The following KPNA1 variants were observed in gnomAD, a reference collection of about 807,000 sequenced individuals.
KPNA1 encodes the protein karyopherin subunit alpha 1.
In KPNA1, 10 loss-of-function variants were observed where a neutral mutation model predicts 70.5. The ratio of observed to expected loss-of-function variants is 0.14; its 90% CI spans 0.09 to 0.24. The LOEUF (loss-of-function observed/expected upper bound fraction) is 0.24. Ranked by LOEUF, KPNA1 falls within the 10% of genes least tolerant of loss-of-function variation. The pLI is 1.00. For missense variants in KPNA1, 397 were observed against 637.9 expected, an observed-to-expected ratio of 0.62 and a Z score of 4.07; for synonymous variants, 192 against 221.9, an observed-to-expected ratio of 0.87 and a Z score of 1.20.
chr3:122,439,859 A>C lies in KPNA1; in HGVS notation c.996+2179T>G, dbSNP rs556762754. On this transcript the variant is annotated intron_variant, in intron 10 of 13. Transcript: ENST00000344337. ...ACAAACTATAAGGGAGGGAGACACCACATGTAACTGCAAAGTTTCATGTGT... is the reference window on the plus strand; with the variant it reads ...ACAAACTATAAGGGAGGGAGACACCCCATGTAACTGCAAAGTTTCATGTGT... 2.0e-5 allele frequency among the ~76,000 whole-genome samples: 3 copies of C among 152,318 alleles called. No individual in the cohort carries two copies. In the East Asian group the frequency reaches 5.8e-4, roughly 29 times the overall value.
intron 1 of KPNA1, among the ~76,000 whole-genome samples, chr3:122,504,780 C>T (rs1331140685): frequency 1.3e-5 from 2 of 152,094 alleles, no homozygotes; most frequent in African/African-American, 4.8e-5. Flanking sequence ...TCAATGGATG[C>T]ATTTAGACTT....
chr3:122,502,498 A>G (rs1217047692), intron 1 of KPNA1, among the ~76,000 whole-genome samples: 1 of 152,160 alleles, frequency 6.6e-6, no homozygotes, highest in African/African-American at 2.4e-5. Flanking sequence ...CCAGAAATCA[A>G]CTCTGCTGGC....
intron 8 of KPNA1, among the ~76,000 whole-genome samples, chr3:122,450,455 G>T (rs1408623231): frequency 1.3e-5 from 2 of 152,034 alleles, no homozygotes; most frequent in Non-Finnish European, 2.9e-5. Context: ...GGTGGTATGC[G>T]CCTGTAATCC....
At chr3:122,438,548 G>A (rs907735201) in intron 10 of KPNA1, among the ~76,000 whole-genome samples, 8 of 151,860 alleles carry the variant, frequency 5.3e-5, no homozygotes, top group Admixed American at 1.3e-4. Context: ...CACCACGCCC[G>A]GCTAATTTTG....
rs764391272 is a variant in KPNA1 at position 122,427,581 on chromosome 3, G to A, written c.1386C>T (p.Gly462=). The A allele has an allele frequency of 7.4e-6, 12 of 1,614,038 alleles. No individual in the cohort carries two copies. The South Asian group carries it at 1.2e-4, about 16-fold the overall frequency. The change falls in exon 13 of 14, where the codon GGC becomes GGT. Residue 462 remains glycine, a synonymous_variant. Transcript: ENST00000344337. ...RLGEQEAKRN[G]TGINPYCALI... is the part of the protein sequence containing the mutation. ...AAGCACAGTAAGGGTTAATGCCAGTGCCATTCCTTTTGGCTTCCTGTTCTC... is the reference window on the plus strand; with the variant it reads ...AAGCACAGTAAGGGTTAATGCCAGTACCATTCCTTTTGGCTTCCTGTTCTC...
At chr3:122,486,988 T>G (rs2076637079) in intron 2 of KPNA1, among the ~76,000 whole-genome samples, 1 of 152,168 alleles carries the variant, frequency 6.6e-6, no homozygotes, top group Non-Finnish European at 1.5e-5. Context: ...CTGTCCTGTG[T>G]GAACTGTAGC....
At chr3:122,490,211 C>T (rs1284979325) in intron 2 of KPNA1, among the ~76,000 whole-genome samples, 3 of 152,238 alleles carry the variant, frequency 2.0e-5, no homozygotes, top group African/African-American at 4.8e-5. Context: ...TTCCATCCTA[C>T]GAAACTCTAT....
In KPNA1 at chr3:122,461,257, C is replaced by T. The variant is rs773779130; in HGVS notation, c.399G>A (p.Glu133=). 2.4e-5 allele frequency: 38 copies of T among 1,612,764 alleles called. No individual in the cohort carries two copies. The highest frequency in any genetic ancestry group is 6.7e-5 in the Admixed American group (4 of 59,946). Residue 133 remains glutamate (E), a synonymous_variant, in exon 5 of 14, where the codon GAG becomes GAA. Transcript: ENST00000344337. ...TACAATTCTCTTTTCGTTTGAGGAA[C>T]TCCACAAACCTGGCCACTACTCCTG... is the stretch of plus-strand genomic sequence containing the variant. The part of the protein sequence containing the change: ...STPGVVARFV[E]FLKRKENCTL...
intron 1 of KPNA1, among the ~76,000 whole-genome samples, chr3:122,506,316 C>A (rs2076889606): frequency 6.6e-6 from 1 of 151,946 alleles, no homozygotes. Flanking sequence ...CTATTAAAAA[C>A]CAAAACTACA....
At chr3:122,466,148 C>CA (rs1019879826) in intron 3 of KPNA1, among the ~76,000 whole-genome samples, 56 of 152,118 alleles carry the variant, frequency 3.7e-4, no homozygotes, top group African/African-American at 1.3e-3. Flanking sequence ...ACTACCCTCC[C>CA]AACTCTCAAA....
chr3:122,449,679 A>T lies in KPNA1; in HGVS notation c.812T>A (p.Leu271Gln). ...WLLFVSDTDV[L>Q]ADACWALSYL... The stretch of plus-strand genomic sequence containing the variant: ...TGAGAGGGCCCAGCAGGCATCAGCC[A>T]GTACATCAGTGTCACTGACAAACAG... The change falls in exon 9 of 14, where the codon CTG (leucine) becomes CAG (glutamine). Residue 271 changes from leucine to glutamine, a missense_variant. Coordinates refer to ENST00000344337, the MANE Select transcript of KPNA1 (RefSeq NM_002264.4). The T allele has an allele frequency of 1.2e-6, 2 of 1,613,964 alleles. No homozygotes were observed. The highest frequency in any genetic ancestry group is 2.2e-5 in the East Asian group (1 of 44,874).
intron 2 of KPNA1, among the ~76,000 whole-genome samples, chr3:122,491,023 T>C (rs2076692392): frequency 6.6e-6 from 1 of 152,226 alleles, no homozygotes; most frequent in Non-Finnish European, 1.5e-5. Flanking sequence ...AGATATAAAC[T>C]AGCAGAGGAA....
At chr3:122,453,795 G>A (rs2107738693) in intron 6 of KPNA1, 75 bp downstream of exon 6, 3 of 1,422,614 alleles carry the variant, frequency 2.1e-6, no homozygotes, top group Non-Finnish European at 2.8e-6. Flanking sequence ...CTCCCAAAAT[G>A]TTGGGATTAC....
At chr3:122,494,172 GT>G (rs755461616) in intron 2 of KPNA1, among the ~76,000 whole-genome samples, 6 of 152,060 alleles carry the variant, frequency 3.9e-5, no homozygotes, top group East Asian at 1.9e-4. Context: ...TCTATTTTTG[GT>G]TTTGTTTCCT....
At chr3:122,477,239 G>A (rs1184996168) in intron 2 of KPNA1, among the ~76,000 whole-genome samples, 1 of 152,196 alleles carries the variant, frequency 6.6e-6, no homozygotes, top group East Asian at 1.9e-4. Flanking sequence ...CAGAAGTAGA[G>A]AGTATAATGG....
At chr3:122,433,919 T>A (rs2075949685) in intron 11 of KPNA1, 131 bp from the exon 12 acceptor site, 1 of 714,632 alleles carries the variant, frequency 1.4e-6, no homozygotes, top group Admixed American at 3.2e-5. Context: ...TTGAAAAGAG[T>A]TATGTCATTA....
At chr3:122,435,776 T>C (rs929469610) in intron 11 of KPNA1, among the ~76,000 whole-genome samples, 6 of 152,370 alleles carry the variant, frequency 3.9e-5, no homozygotes, top group African/African-American at 1.2e-4. Context: ...TAATTTCCTA[T>C]GCCTATCTTT....
At chr3:122,447,174 G>A (rs1294485816) in intron 9 of KPNA1, among the ~76,000 whole-genome samples, 1 of 152,154 alleles carries the variant, frequency 6.6e-6, no homozygotes, top group African/African-American at 2.4e-5. Context: ...ATTTTATGAG[G>A]CCAGCATCAT....
chr3:122,495,206 C>A (rs901300238), intron 2 of KPNA1, among the ~76,000 whole-genome samples: 4 of 146,512 alleles, frequency 2.7e-5, no homozygotes, highest in African/African-American at 1.0e-4. Flanking sequence ...GCCAAGATCA[C>A]GCCACCATAC....
Sources: gnomAD v4.1 joint callset for allele counts (sites outside exome capture counted in the v4.1 genomes callset) on GRCh38, gnomAD v4.1.1 for gene constraint, MANE v1.5 for transcripts, NCBI Gene and HGNC (gene_info 2026-07-23, HGNC 2026-07-21) for gene names.